The following ETV6 variants were observed in gnomAD, a reference collection of about 807,000 sequenced individuals.
ETV6 encodes the protein transcription factor ETV6.
Under a neutral mutation model 51.1 loss-of-function variants are expected in ETV6, and 16 were observed. That is an observed-to-expected ratio of 0.31 (90% CI 0.21 to 0.48). The LOEUF is 0.48. Ranked by LOEUF, ETV6 falls within the 20% of genes least tolerant of loss-of-function variation. ETV6 has a pLI of 0.99. For missense variants in ETV6, 458 were observed against 594.8 expected (o/e 0.77, Z 2.39); for synonymous variants, 240 against 224.1 (o/e 1.07, Z -0.64).
intron 1 of ETV6, among the ~76,000 whole-genome samples, chr12:11,689,809 T>TCCCCCCCCCCCC (rs796644073): frequency 2.1e-5 from 1 of 47,088 alleles, no homozygotes; most frequent in Non-Finnish European, 4.1e-5. Context: ...TCTTTTTCCC[T>TCCCCCCCCCCCC]CCCCCCCCCC....
chr12:11,801,977 C>T (rs1194830920), intron 2 of ETV6, among the ~76,000 whole-genome samples: 1 of 152,226 alleles, frequency 6.6e-6, no homozygotes, highest in Non-Finnish European at 1.5e-5. Context: ...CTCCTGCCCA[C>T]ATTCCTTCGG....
chr12:11,822,906 A>G (rs112764974), intron 2 of ETV6, among the ~76,000 whole-genome samples: 2 of 152,338 alleles, frequency 1.3e-5, no homozygotes, highest in Non-Finnish European at 2.9e-5. Flanking sequence ...GAGTATTTCA[A>G]ATCAATACAT....
chr12:11,882,269 A>G (rs1031426672), intron 5 of ETV6, among the ~76,000 whole-genome samples: 1 of 152,180 alleles, frequency 6.6e-6, no homozygotes, highest in African/African-American at 2.4e-5. Context: ...CTGCTATTCA[A>G]AGAGAACGCT....
intron 4 of ETV6, among the ~76,000 whole-genome samples, chr12:11,861,184 C>G (rs956467870): frequency 1.3e-5 from 2 of 152,132 alleles, no homozygotes; most frequent in Non-Finnish European, 2.9e-5. Context: ...ATTCTTGAAT[C>G]TGGCAGCAGG....
intron 2 of ETV6, among the ~76,000 whole-genome samples, chr12:11,789,133 A>G (rs930207186): frequency 3.3e-5 from 5 of 152,080 alleles, no homozygotes; most frequent in Non-Finnish European, 5.9e-5. Flanking sequence ...CTCAGGTTCA[A>G]GCGATTGTCC....
intron 1 of ETV6, among the ~76,000 whole-genome samples, chr12:11,726,119 A>G (rs1865484030): frequency 6.6e-6 from 1 of 152,248 alleles, no homozygotes; most frequent in African/African-American, 2.4e-5. Context: ...CCTATAGTAC[A>G]TACTAAAGAA....
At position 11,866,198 on chromosome 12, in the gene ETV6, C is replaced by CT. The variant is rs930894697; in HGVS notation, c.464-3217dup. Among the ~76,000 whole-genome samples the CT allele has an allele frequency of 2.8e-4, 42 of 150,712 alleles. 1 individual carries two copies. The highest frequency in any genetic ancestry group is 6.8e-3 in the Middle Eastern group (2 of 294). Reference sequence around the variant, plus strand: ...TTCAGTTATAGAATCTTTATTTTGCCTTTTTTTTTAATTCCATTTCCCTTT... The same window carrying CT: ...TTCAGTTATAGAATCTTTATTTTGCCTTTTTTTTTTAATTCCATTTCCCTTT... On this transcript the variant is annotated intron_variant, in intron 4 of 7. Coordinates refer to ENST00000396373, the MANE Select transcript of ETV6 (RefSeq NM_001987.5).
chr12:11,868,725 A>T (rs977147158), intron 4 of ETV6, among the ~76,000 whole-genome samples: 2 of 152,116 alleles, frequency 1.3e-5, no homozygotes, highest in African/African-American at 4.8e-5. Flanking sequence ...AGAGAATATG[A>T]AAATTTTAGT....
chr12:11,749,645 G>T (rs2121054847), intron 1 of ETV6, among the ~76,000 whole-genome samples: 1 of 152,320 alleles, frequency 6.6e-6, no homozygotes, highest in South Asian at 2.1e-4. Context: ...TTGCAATAGA[G>T]TGAAAAATGA....
In ETV6 at chr12:11,886,142, A is replaced by G. The variant is rs184378685; in HGVS notation, c.1253+116A>G. The G allele has an allele frequency of 8.2e-6, 6 of 728,190 alleles. No individual in the cohort carries two copies. In the Admixed American group the frequency reaches 1.2e-4, roughly 14 times the overall value. The allele number at this position is 728,190 out of a possible 1,614,324, so 45.1% of individuals were successfully genotyped here. On this transcript the variant is annotated intron_variant, in intron 7 of 7. Transcript: ENST00000396373. ...CCTGCCTATCGGATACCCAAAGCCA[A>G]TCATTGCTACAAACTGGATACCAGG...
chr12:11,678,474 TC>T (rs1864463117), intron 1 of ETV6, among the ~76,000 whole-genome samples: 1 of 152,232 alleles, frequency 6.6e-6, no homozygotes, highest in Admixed American at 6.5e-5. Context: ...AGCACTTTTT[TC>T]CTCCTGATTT....
chr12:11,794,395 G>A (rs1466305371), intron 2 of ETV6, among the ~76,000 whole-genome samples: 1 of 152,064 alleles, frequency 6.6e-6, no homozygotes, highest in African/African-American at 2.4e-5. Flanking sequence ...CAGCTGCTTG[G>A]GCACAAGCAG....
intron 1 of ETV6, among the ~76,000 whole-genome samples, chr12:11,684,508 A>T (rs748554221): frequency 6.6e-6 from 1 of 152,248 alleles, no homozygotes; most frequent in East Asian, 1.9e-4. Context: ...CATATTCAGA[A>T]GTGATGAGAA....
chr12:11,874,521 CATAT>C (rs1403485094), intron 5 of ETV6, among the ~76,000 whole-genome samples: 62 of 4,134 alleles, frequency 0.015, 25 homozygotes, highest in African/African-American at 0.017. Flanking sequence ...TGTGTACACA[CATAT>C]ATGTGTATGT....
intron 6 of ETV6, 82 bp downstream of exon 6, chr12:11,884,669 C>A (rs1947159259): frequency 6.4e-7 from 1 of 1,554,836 alleles, no homozygotes; most frequent in Non-Finnish European, 8.8e-7. Context: ...AATCGTCTGT[C>A]TTCTGCTTTT....
At chr12:11,700,327 C>A (rs193118397) in intron 1 of ETV6, among the ~76,000 whole-genome samples, 29 of 152,184 alleles carry the variant, frequency 1.9e-4, no homozygotes, top group Non-Finnish European at 3.4e-4. Flanking sequence ...TAGCCTTCAC[C>A]CTAGTAGTGA....
In ETV6 at chr12:11,853,508, G is replaced by A; in HGVS notation, c.410G>A (p.Gly137Glu). 6.2e-7 allele frequency: 1 copy of A among 1,614,182 alleles called. No homozygotes were observed. Among genetic ancestry groups the A allele is most frequent in the Admixed American group, 1.7e-5 (1 of 60,028 alleles). Residue 137 changes from glycine to glutamate, a missense_variant, in exon 4 of 8, where the codon GGA (glycine) becomes GAA (glutamate). Gly to Glu is a moderately conservative substitution (Grantham distance 98, BLOSUM62 -2). This residue lies in a region of ETV6 where 293 missense variants were observed against 315.7 expected (regional missense o/e 0.93). Transcript: ENST00000396373. ...CTTTTTTCACCATTCTTCCACCCTG[G>A]AAACTCTATACACACACAGCCGGAG... ...RILFSPFFHP[G>E]NSIHTQPEVI...
At chr12:11,695,683 CTTGTGT>C (rs1475627455) in intron 1 of ETV6, among the ~76,000 whole-genome samples, 1 of 152,148 alleles carries the variant, frequency 6.6e-6, no homozygotes, top group Non-Finnish European at 1.5e-5. Flanking sequence ...CATGGCTGTC[CTTGTGT>C]TTGTGTTTGT....
chr12:11,837,896 T>A (rs927306515), intron 2 of ETV6, among the ~76,000 whole-genome samples: 5 of 152,252 alleles, frequency 3.3e-5, no homozygotes, highest in Non-Finnish European at 5.9e-5. Context: ...TTTGCTTATA[T>A]GGGTTATAGT....
Sources: allele counts gnomAD v4.1 joint callset (sites outside exome capture counted in the v4.1 genomes callset), GRCh38; gene constraint gnomAD v4.1.1; regional missense constraint gnomAD v4.1.1; transcripts MANE v1.5; gene names NCBI Gene and HGNC (gene_info 2026-07-23, HGNC 2026-07-21).